Variants in LRCH1 observed in about 807,000 individuals in gnomAD.
The protein encoded by LRCH1 is leucine rich repeats and calponin homology domain containing 1.
LRCH1 carries 23 observed loss-of-function variants against 94.9 expected under a neutral mutation model. The observed-to-expected ratio is 0.24, with a 90% CI of 0.17 to 0.34. LRCH1 has a LOEUF of 0.34. Ranked by LOEUF, LRCH1 falls within the 10% of genes least tolerant of loss-of-function variation. The pLI is 1.00. For missense variants in LRCH1, 790 were observed against 945.9 expected, an observed-to-expected ratio of 0.84 and a Z score of 2.16; for synonymous variants, 364 against 354.9, an observed-to-expected ratio of 1.03 and a Z score of -0.29.
downstream of LRCH1, among the ~76,000 whole-genome samples, chr13:46,747,903 A>G (rs1441325111): frequency 6.6e-6 from 1 of 152,004 alleles, no homozygotes; most frequent in African/African-American, 2.4e-5. Context: ...ATGTCCAGCT[A>G]ATTTTCTTTA....
intron 19 of LRCH1, among the ~76,000 whole-genome samples, chr13:46,738,561 TTTAATC>T (rs1336940474): frequency 6.6e-6 from 1 of 152,214 alleles, no homozygotes. Flanking sequence ...GTTTTTTTGT[TTTAATC>T]TTAAGAATAA....
At chr13:46,684,311 G>T (rs1394104138) in intron 4 of LRCH1, among the ~76,000 whole-genome samples, 2 of 148,964 alleles carry the variant, frequency 1.3e-5, no homozygotes, top group African/African-American at 2.5e-5. Flanking sequence ...TTTTATTGTT[G>T]TGAAACTGTC....
Position 46,733,921 on chromosome 13 carries a change from C to G in LRCH1, c.2008C>G (p.Pro670Ala), listed in dbSNP as rs1273318231. 1 of 1,586,296 alleles carries G rather than the reference C, an allele frequency of 6.3e-7. No homozygotes were observed. The highest frequency in any genetic ancestry group is 1.8e-5 in the Admixed American group (1 of 56,152). Reference protein sequence around the residue: ...ASIHVPSPAVPKLSMAKCRRN... With the variant: ...ASIHVPSPAVAKLSMAKCRRN... ...TATTTCCGTATATTTGCATTTATAG[C>G]CCAAACTTAGCATGGCCAAATGCAG... Residue 670 changes from proline (P) to alanine (A), a missense_variant and splice_region_variant, in exon 19 of 20, where the codon CCC becomes GCC. Coordinates refer to ENST00000389797, the MANE Select transcript of LRCH1 (RefSeq NM_001164211.2).
intron 1 of LRCH1, among the ~76,000 whole-genome samples, chr13:46,623,713 T>C (rs972175649): frequency 2.0e-5 from 3 of 149,676 alleles, no homozygotes; most frequent in African/African-American, 7.5e-5. Flanking sequence ...TTTTTCTTTT[T>C]CTTTTTTTTT....
downstream of LRCH1, among the ~76,000 whole-genome samples, chr13:46,748,616 T>C (rs1487387389): frequency 6.6e-6 from 1 of 152,106 alleles, no homozygotes; most frequent in African/African-American, 2.4e-5. Flanking sequence ...GAGGCACCAT[T>C]GTTAACAGCC....
intron 3 of LRCH1, among the ~76,000 whole-genome samples, chr13:46,675,160 C>T (rs780899752): frequency 1.3e-5 from 2 of 152,178 alleles, no homozygotes; most frequent in Non-Finnish European, 2.9e-5. Flanking sequence ...ACTGCTAAAC[C>T]ATGCCTGATG....
chr13:46,635,803 A>G (rs2138053940), intron 1 of LRCH1, among the ~76,000 whole-genome samples: 1 of 151,922 alleles, frequency 6.6e-6, no homozygotes, highest in East Asian at 1.9e-4. Context: ...TCACTCCATC[A>G]GTTGTCTCCT....
chr13:46,608,700 T>TA (rs200056002), intron 1 of LRCH1, among the ~76,000 whole-genome samples: 2,095 of 152,328 alleles, frequency 0.014, 23 homozygotes, highest in Non-Finnish European at 0.019. Flanking sequence ...GAAATTTAGT[T>TA]ACTTTTGCTC....
chr13:46,565,628 A>G (rs1370731950), intron 1 of LRCH1, among the ~76,000 whole-genome samples: 1 of 151,876 alleles, frequency 6.6e-6, no homozygotes. Flanking sequence ...CCTGGCCAAT[A>G]TGGTGAGACC....
chr13:46,751,263 C>T (rs1254871850), exon 19 of LRCH1: 4 of 151,710 alleles, frequency 2.6e-5, no homozygotes, highest in Non-Finnish European at 5.9e-5. Context: ...ATTTTCTATC[C>T]TCTTTGGTGT....
At chr13:46,619,654 GCT>G (rs1362821398) in intron 1 of LRCH1, among the ~76,000 whole-genome samples, 1 of 152,158 alleles carries the variant, frequency 6.6e-6, no homozygotes, top group Non-Finnish European at 1.5e-5. Context: ...CACACGCGAA[GCT>G]CTGTGTTTGA....
At chr13:46,735,434 G>T (rs749438528) in intron 19 of LRCH1, among the ~76,000 whole-genome samples, 1 of 152,174 alleles carries the variant, frequency 6.6e-6, no homozygotes, top group Non-Finnish European at 1.5e-5. Flanking sequence ...ATTAGGTTAT[G>T]ACCTAACTCC....
intron 1 of LRCH1, among the ~76,000 whole-genome samples, chr13:46,564,793 G>C (rs971640220): frequency 6.6e-6 from 1 of 152,250 alleles, no homozygotes; most frequent in Non-Finnish European, 1.5e-5. Flanking sequence ...AAGCGAAAAT[G>C]CTCTTTATCC....
intron 1 of LRCH1, among the ~76,000 whole-genome samples, chr13:46,592,330 T>G (rs1240670995): frequency 2.0e-5 from 3 of 152,218 alleles, no homozygotes; most frequent in African/African-American, 7.2e-5. Context: ...CTGTAAGGCT[T>G]GTGATAGTGC....
At position 46,699,238 on chromosome 13, in the gene LRCH1, T is replaced by C. The variant is rs1871343348; in HGVS notation, c.1246-98T>C. The C allele has an allele frequency of 1.0e-5, 9 of 898,470 alleles. No homozygotes were observed. The South Asian group carries it at 1.1e-4, about 11-fold the overall frequency. The allele number at this position is 898,470 out of a possible 1,614,324, so 55.7% of individuals were successfully genotyped here. A position where few individuals can be genotyped will look rare whatever the true frequency, so the allele number is the denominator to read the frequency against. On this transcript the variant is annotated intron_variant, in intron 9 of 19. Coordinates refer to ENST00000389797, the MANE Select transcript of LRCH1 (RefSeq NM_001164211.2). ...TGGCTTGTTTCCAGCTTTTGGCTAT[T>C]GTGAATAACGCTGTTATAAACATGG...
rs2050017019 is a variant in LRCH1, at chr13:46,553,185, C to T, written c.-212C>T. ...CGCCGCCGCCGCAGTCCTTAGCTTC[C>T]CGGGGACAGGAAACCTTCAAGACCG... On this transcript the variant is annotated 5_prime_UTR_variant, in exon 1 of 20. Coordinates refer to ENST00000389797, the MANE Select transcript of LRCH1 (RefSeq NM_001164211.2). 5.3e-6 allele frequency: 3 copies of T among 571,308 alleles called. No homozygotes were observed. The highest frequency in any genetic ancestry group is 9.1e-6 in the Non-Finnish European group (3 of 328,464). The allele number at this position is 571,308 out of a possible 1,614,324, so 35.4% of individuals were successfully genotyped here. A position where few individuals can be genotyped will look rare whatever the true frequency, so the allele number is the denominator to read the frequency against.
At chr13:46,617,577 G>A (rs922694196) in intron 1 of LRCH1, among the ~76,000 whole-genome samples, 2 of 152,166 alleles carry the variant, frequency 1.3e-5, no homozygotes, top group African/African-American at 4.8e-5. Context: ...GCAGGGGCTC[G>A]TCTCAACTGC....
chr13:46,577,848 C>A (rs1251643042), intron 1 of LRCH1, among the ~76,000 whole-genome samples: 1 of 152,150 alleles, frequency 6.6e-6, no homozygotes, highest in South Asian at 2.1e-4. Context: ...GAAGTTCTCC[C>A]CACCCTCCAG....
chr13:46,676,044 C>T lies in LRCH1; in HGVS notation c.580-5697C>T, dbSNP rs187116829. On this transcript the variant is annotated intron_variant, in intron 3 of 19. Coordinates refer to ENST00000389797, the MANE Select transcript of LRCH1 (RefSeq NM_001164211.2). ...CTGTAATCCCAGCACTTTGGGAGGC[C>T]GAGGTCAGGAGTTCGAGACCAGCCT... Among the ~76,000 whole-genome samples, 386 of 152,192 alleles carry T rather than the reference C, an allele frequency of 2.5e-3. 1 individual carries two copies. Among genetic ancestry groups the T allele is most frequent in the Admixed American group, 4.2e-3 (64 of 15,282 alleles).
Sources: allele counts gnomAD v4.1 joint callset (sites outside exome capture counted in the v4.1 genomes callset), GRCh38; gene constraint gnomAD v4.1.1; transcripts MANE v1.5; gene names NCBI Gene and HGNC (gene_info 2026-07-23, HGNC 2026-07-21).